The following TNS1 variants were observed in gnomAD, a reference collection of about 807,000 sequenced individuals.
TNS1 encodes tensin-1.
TNS1 carries 62 observed loss-of-function variants against 168.6 expected under a neutral mutation model. That is an observed-to-expected ratio of 0.37 (90% CI 0.30 to 0.45). The LOEUF is 0.45. Among genes scored for constraint, TNS1 ranks in the 20% least tolerant of loss-of-function variants. TNS1 has a pLI of 1.00. For missense variants in TNS1, 2,240 were observed against 2,339.4 expected (o/e 0.96, Z 0.88); for synonymous variants, 934 against 933.2 (o/e 1.00, Z -0.02).
chr2:218,005,390 C>A (rs1419215132), upstream of TNS1, among the ~76,000 whole-genome samples: 10 of 152,190 alleles, frequency 6.6e-5, no homozygotes, highest in Admixed American at 5.9e-4. Context: ...GCTGGGGGTT[C>A]CCTTGGAGAA....
At chr2:218,014,850 T>C (rs1043943260), upstream of TNS1, among the ~76,000 whole-genome samples, 2 of 143,912 alleles carry the variant, frequency 1.4e-5, no homozygotes, top group Non-Finnish European at 3.0e-5. Flanking sequence ...AGTTAAAGGA[T>C]TGCAGGAGGG....
chr2:217,977,895 C>T (rs1957934971), intron 3 of TNS1, among the ~76,000 whole-genome samples: 2 of 152,150 alleles, frequency 1.3e-5, no homozygotes, highest in Non-Finnish European at 2.9e-5. Context: ...GGGTTACAAG[C>T]AACAATGGCA....
intron 3 of TNS1, among the ~76,000 whole-genome samples, chr2:217,930,467 G>A (rs998895586): frequency 9.2e-5 from 14 of 152,158 alleles, no homozygotes; most frequent in African/African-American, 3.1e-4. Flanking sequence ...AGAGAAAGGC[G>A]GTCAGAGAGG....
chr2:217,957,926 G>A lies in TNS1; in HGVS notation c.186+20839C>T, dbSNP rs75252737. ...CAAAAAATGGATGGTTGTTGAAGCCGGGGGTAGGTACAAAGGAGTTCATTG... is the reference window on the plus strand; with the variant it reads ...CAAAAAATGGATGGTTGTTGAAGCCAGGGGTAGGTACAAAGGAGTTCATTG... On this transcript the variant is annotated intron_variant, in intron 3 of 32. Transcript: ENST00000682258. Among the ~76,000 whole-genome samples, 654 of 150,990 alleles carry A rather than the reference G, an allele frequency of 4.3e-3. 2 individuals carry two copies. The highest frequency in any genetic ancestry group is 7.4e-3 in the Non-Finnish European group (502 of 67,846).
chr2:217,935,910 G>A (rs902979937), intron 3 of TNS1, among the ~76,000 whole-genome samples: 1 of 152,158 alleles, frequency 6.6e-6, no homozygotes, highest in Admixed American at 6.5e-5. Context: ...CATGCAGACC[G>A]TGTGGCTGCA....
At chr2:217,830,075 CAGA>C (rs1364578922) in intron 22 of TNS1, 25 of 804,274 alleles carry the variant, frequency 3.1e-5, no homozygotes, top group African/African-American at 7.5e-5. Flanking sequence ...GCGCTGTCCA[CAGA>C]AGGACTCCAA....
chr2:217,908,533 C>G (rs1044130691), intron 4 of TNS1, among the ~76,000 whole-genome samples: 1 of 152,178 alleles, frequency 6.6e-6, no homozygotes, highest in Admixed American at 6.5e-5. Flanking sequence ...GAGGGATGAG[C>G]TGCTCATGTC....
intron 18 of TNS1, among the ~76,000 whole-genome samples, chr2:217,860,596 T>C (rs1948691083): frequency 6.6e-6 from 1 of 152,210 alleles, no homozygotes; most frequent in Non-Finnish European, 1.5e-5. Flanking sequence ...CACAACAGTA[T>C]TAGCAGAGAT....
chr2:217,808,068 C>T lies in TNS1; in HGVS notation c.5375+7G>A, dbSNP rs1286987991. On this transcript the variant is annotated splice_region_variant and intron_variant, in intron 32 of 32. Transcript: ENST00000682258. ...CCTGCTGGGCAGGGGTAAGAAGTCA[C>T]ACTTACTTAGCAGGGGCACCACCCT... The T allele has an allele frequency of 1.9e-6, 3 of 1,613,154 alleles. No individual in the cohort carries two copies. The African/African-American group carries it at 4.0e-5, about 22-fold the overall frequency.
At chr2:217,897,419 T>A (rs1281211862) in intron 8 of TNS1, among the ~76,000 whole-genome samples, 1 of 152,234 alleles carries the variant, frequency 6.6e-6, no homozygotes, top group South Asian at 2.1e-4. Context: ...CACCTCTCTG[T>A]GCTCTGGCAA....
chr2:217,881,230 G>A (rs909914718), intron 17 of TNS1: 8 of 558,250 alleles, frequency 1.4e-5, no homozygotes, highest in African/African-American at 9.4e-5. Flanking sequence ...GGCTCATGCC[G>A]GGTCATAGGG....
At chr2:217,832,028 A>G (rs1246480637) in intron 21 of TNS1, among the ~76,000 whole-genome samples, 3 of 152,134 alleles carry the variant, frequency 2.0e-5, no homozygotes, top group Non-Finnish European at 4.4e-5. Flanking sequence ...AGAACAGAAG[A>G]AAATTGGGCC....
At position 217,821,926 on chromosome 2, in the gene TNS1, T is replaced by A; in HGVS notation, c.3386A>T (p.Tyr1129Phe). The A allele has an allele frequency of 2.5e-6, 4 of 1,587,020 alleles. No individual in the cohort carries two copies. The highest frequency in any genetic ancestry group is 3.4e-6 in the Non-Finnish European group (4 of 1,166,934). ...CGCTGTCCGTGCCACAGACTCCACA[T>A]AGCTCCGGGGCTCTGGAAGGGGCAA... ...LLHPTGEPRSYVESVARTAVA... is the reference protein window; with the variant it reads ...LLHPTGEPRSFVESVARTAVA... Residue 1129 changes from tyrosine (Y) to phenylalanine (F), a missense_variant, in exon 23 of 33, where the codon TAT becomes TTT. Tyr to Phe is a conservative substitution (Grantham distance 22). Around this residue, in one of 2 missense-constraint regions of TNS1, gnomAD observed 2,131 missense variants for 2,171.2 expected, o/e 0.98. Coordinates refer to ENST00000682258, the MANE Select transcript of TNS1 (RefSeq NM_001387777.1).
chr2:218,003,279 G>A (rs1429944247), upstream of TNS1, among the ~76,000 whole-genome samples: 2 of 151,120 alleles, frequency 1.3e-5, no homozygotes, highest in African/African-American at 4.9e-5. Context: ...TAGGCCTGGA[G>A]TCCTCCCTCC....
chr2:217,815,057 CAT>C, intron 24 of TNS1, 59 bp from the exon 25 acceptor site: 2 of 1,383,708 alleles, frequency 1.4e-6, no homozygotes, highest in Non-Finnish European at 2.0e-6. Flanking sequence ...CCAAAACATA[CAT>C]CAAAGTCCTG....
intron 21 of TNS1, among the ~76,000 whole-genome samples, chr2:217,833,222 G>C (rs1219297891): frequency 1.3e-5 from 2 of 152,222 alleles, no homozygotes; most frequent in African/African-American, 4.8e-5. Flanking sequence ...AAGCGGACGA[G>C]AGGACCAGAC....
chr2:217,882,043 C>A, intron 17 of TNS1: 1 of 270,838 alleles, frequency 3.7e-6, no homozygotes, highest in Non-Finnish European at 6.8e-6. Flanking sequence ...TGCCCGCCAG[C>A]CACTCCCTCC....
intron 3 of TNS1, among the ~76,000 whole-genome samples, chr2:217,963,867 A>G (rs1957558121): frequency 6.8e-6 from 1 of 147,896 alleles, no homozygotes; most frequent in African/African-American, 2.5e-5. Context: ...AACATGGTGA[A>G]ACCCCATCTC....
chr2:217,917,340 G>A (rs188083798), intron 4 of TNS1, among the ~76,000 whole-genome samples: 65 of 152,288 alleles, frequency 4.3e-4, no homozygotes, highest in African/African-American at 1.4e-3. Context: ...GCAAGGCAGC[G>A]GGGACACAGC....
Sources: allele counts gnomAD v4.1 joint callset (sites outside exome capture counted in the v4.1 genomes callset), GRCh38; gene constraint gnomAD v4.1.1; regional missense constraint gnomAD v4.1.1; transcripts MANE v1.5; gene names NCBI Gene and HGNC (gene_info 2026-07-23, HGNC 2026-07-21).